The following RGS7 variants were observed in gnomAD, a reference collection of about 807,000 sequenced individuals.
RGS7 encodes regulator of G protein signaling 7, also known as regulator of G-protein signaling 7.
A neutral mutation model predicts 81.1 loss-of-function variants in RGS7; 27 were observed. That is an observed-to-expected ratio of 0.33 (90% confidence interval 0.25 to 0.46). The LOEUF (loss-of-function observed/expected upper bound fraction) is 0.46. Among genes scored for constraint, RGS7 ranks in the 20% least tolerant of loss-of-function variants. The pLI is 1.00. For missense variants in RGS7, 396 were observed against 607.4 expected (o/e 0.65, Z 3.66); for synonymous variants, 208 against 207.7 (o/e 1.00, Z -0.01).
chr1:240,972,187 G>A (rs933987930), intron 4 of RGS7, among the ~76,000 whole-genome samples: 8 of 152,070 alleles, frequency 5.3e-5, no homozygotes, highest in South Asian at 4.2e-4. Context: ...ATGGTTGCCC[G>A]CCATTTATGC....
chr1:241,210,779 G>A (rs955897554), intron 2 of RGS7, among the ~76,000 whole-genome samples: 1 of 152,198 alleles, frequency 6.6e-6, no homozygotes, highest in African/African-American at 2.4e-5. Flanking sequence ...ATGCCTCACT[G>A]AGGATGTGCA....
At chr1:240,830,574 T>C (rs1693665614) in intron 9 of RGS7, among the ~76,000 whole-genome samples, 1 of 152,228 alleles carries the variant, frequency 6.6e-6, no homozygotes, top group Non-Finnish European at 1.5e-5. Flanking sequence ...TATCCACAAA[T>C]GACCGAGTCA....
At chr1:241,062,982 C>G (rs1216936981) in intron 3 of RGS7, among the ~76,000 whole-genome samples, 2 of 152,166 alleles carry the variant, frequency 1.3e-5, no homozygotes, top group Admixed American at 6.5e-5. Flanking sequence ...TTGGAAACAG[C>G]CATGTTACTC....
At chr1:241,251,928 C>A (rs186727052) in intron 2 of RGS7, among the ~76,000 whole-genome samples, 1 of 152,266 alleles carries the variant, frequency 6.6e-6, no homozygotes, top group Non-Finnish European at 1.5e-5. Flanking sequence ...CAGCCCTCCG[C>A]AGCCACACAC....
intron 4 of RGS7, among the ~76,000 whole-genome samples, chr1:240,953,479 T>A (rs1247097358): frequency 6.6e-6 from 1 of 151,886 alleles, no homozygotes; most frequent in African/African-American, 2.4e-5. Context: ...AACAACATAA[T>A]CTTTAGTAAC....
At chr1:240,881,601 A>G (rs1666406412) in intron 6 of RGS7, among the ~76,000 whole-genome samples, 1 of 152,232 alleles carries the variant, frequency 6.6e-6, no homozygotes, top group Non-Finnish European at 1.5e-5. Flanking sequence ...TTAAAGATTT[A>G]GACATTAGCA....
At chr1:241,204,293 G>C (rs1410594968) in intron 2 of RGS7, among the ~76,000 whole-genome samples, 1 of 152,212 alleles carries the variant, frequency 6.6e-6, no homozygotes, top group East Asian at 1.9e-4. Context: ...AAAAGTTGTA[G>C]AAGAAAAGAC....
chr1:240,780,815 G>A (rs1448565312), intron 18 of RGS7, among the ~76,000 whole-genome samples: 1 of 151,178 alleles, frequency 6.6e-6, no homozygotes, highest in African/African-American at 2.4e-5. Context: ...TAAGGAGGCC[G>A]AGGCAGGAGA....
intron 6 of RGS7, among the ~76,000 whole-genome samples, chr1:240,904,569 A>G (rs555537570): frequency 6.6e-6 from 1 of 152,192 alleles, no homozygotes. Context: ...AATTGCCCAG[A>G]GGGATTAATC....
At chr1:241,079,126 A>G (rs2062991464) in intron 3 of RGS7, among the ~76,000 whole-genome samples, 1 of 152,196 alleles carries the variant, frequency 6.6e-6, no homozygotes, top group South Asian at 2.1e-4. Context: ...CCGAGTTCCT[A>G]TCTCTCTAGT....
At chr1:241,066,422 T>C (rs888213636) in intron 3 of RGS7, among the ~76,000 whole-genome samples, 3 of 152,214 alleles carry the variant, frequency 2.0e-5, no homozygotes, top group African/African-American at 2.4e-5. Flanking sequence ...ACTATAGTCA[T>C]AGGACTTTCG....
chr1:241,295,187 G>T (rs572090762), intron 2 of RGS7, among the ~76,000 whole-genome samples: 1 of 151,994 alleles, frequency 6.6e-6, no homozygotes, highest in African/African-American at 2.4e-5. Context: ...GGTGGCTCAC[G>T]CCTGTAATCC....
chr1:240,970,906 G>C (rs919986935), intron 4 of RGS7, among the ~76,000 whole-genome samples: 2 of 152,086 alleles, frequency 1.3e-5, no homozygotes, highest in Non-Finnish European at 2.9e-5. Flanking sequence ...TTGAACCCGG[G>C]GGGCAGAGGT....
intron 4 of RGS7, among the ~76,000 whole-genome samples, chr1:240,940,674 G>T (rs10495479): frequency 0.072 from 11,007 of 152,226 alleles, 739 homozygotes; most frequent in African/African-American, 0.17. Context: ...GAGCTTCTGA[G>T]TTCTAAGCAT....
At position 240,919,714 on chromosome 1, in the gene RGS7, G is replaced by A. The variant is rs1673186329; in HGVS notation, c.385+11003C>T. 5 of 612,192 alleles carry A rather than the reference G, an allele frequency of 8.2e-6. No individual in the cohort carries two copies. The East Asian group carries it at 1.1e-4, about 13-fold the overall frequency. 37.9% of individuals were successfully genotyped at this position (612,192 alleles called of 1,614,324 possible). ...TGAGGAAGCTCTTCATTGGAGGGCT[G>A]AGCTTTGAAACAAGGTGAGAGCCTG... is the stretch of plus-strand genomic sequence containing the variant. On this transcript the variant is annotated intron_variant, in intron 6 of 18. Coordinates refer to ENST00000440928, the MANE Select transcript of RGS7 (RefSeq NM_001364886.1).
At chr1:241,171,749 G>A (rs1053459980) in intron 2 of RGS7, among the ~76,000 whole-genome samples, 17 of 152,312 alleles carry the variant, frequency 1.1e-4, no homozygotes, top group Admixed American at 7.2e-4. Flanking sequence ...CCACGAATGG[G>A]AAGAACTCCA....
chr1:240,827,101 C>T lies in RGS7; in HGVS notation c.681G>A (p.Arg227=), dbSNP rs776776253. 27 of 1,611,974 alleles carry T rather than the reference C, an allele frequency of 1.7e-5. No homozygotes were observed. The highest frequency in any genetic ancestry group is 2.2e-5 in the Non-Finnish European group (26 of 1,178,150). ...SSRMRNPHKT[R]KSVYGLQNDI... Reference sequence around the variant, plus strand: ...GCACAACAAATGACAGTTTTACCTTCCGTGTTTTGTGGGGGTTTCTCATTC... The same window carrying T: ...GCACAACAAATGACAGTTTTACCTTTCGTGTTTTGTGGGGGTTTCTCATTC... The change falls in exon 10 of 19, where the codon CGG becomes CGA. Residue 227 remains arginine (R), a synonymous_variant. Coordinates refer to ENST00000440928, the MANE Select transcript of RGS7 (RefSeq NM_001364886.1).
At chr1:241,296,271 C>T (rs1174651312) in intron 2 of RGS7, among the ~76,000 whole-genome samples, 2 of 151,938 alleles carry the variant, frequency 1.3e-5, no homozygotes, top group East Asian at 1.9e-4. Flanking sequence ...AAGAAGTAGC[C>T]GCTGACACAG....
chr1:240,992,085 G>C (rs1249099895), intron 3 of RGS7, among the ~76,000 whole-genome samples: 1 of 152,220 alleles, frequency 6.6e-6, no homozygotes, highest in Non-Finnish European at 1.5e-5. Flanking sequence ...TATTAGCAGA[G>C]AGTACCAGCA....
Sources: allele counts gnomAD v4.1 joint callset (sites outside exome capture counted in the v4.1 genomes callset), GRCh38; gene constraint gnomAD v4.1.1; transcripts MANE v1.5; gene names NCBI Gene and HGNC (gene_info 2026-07-23, HGNC 2026-07-21).